The following GPC6 variants were observed in gnomAD, a reference collection of about 807,000 sequenced individuals.
The protein encoded by GPC6 is glypican 6, also known as glypican-6.
In GPC6, 14 loss-of-function variants were observed where a neutral mutation model predicts 55.2. The ratio of observed to expected loss-of-function variants is 0.25; its 90% CI spans 0.17 to 0.40. The LOEUF (loss-of-function observed/expected upper bound fraction) is 0.40. Among genes scored for constraint, GPC6 ranks in the 10% least tolerant of loss-of-function variants. The probability of loss-of-function intolerance (pLI) is 1.00; values close to 1 mark genes in which losing one functional copy is unlikely to be tolerated. For missense variants in GPC6, 641 were observed against 708.5 expected (o/e 0.90, Z 1.08); for synonymous variants, 278 against 259.6 (o/e 1.07, Z -0.68).
At chr13:94,000,740 T>A (rs1881759626) in intron 3 of GPC6, among the ~76,000 whole-genome samples, 1 of 152,202 alleles carries the variant, frequency 6.6e-6, no homozygotes, top group African/African-American at 2.4e-5. Flanking sequence ...CACAGCACTT[T>A]GCAGCAAAAT....
At chr13:94,323,695 A>C (rs915751114) in intron 6 of GPC6, among the ~76,000 whole-genome samples, 4 of 152,250 alleles carry the variant, frequency 2.6e-5, no homozygotes, top group African/African-American at 9.6e-5. Context: ...TCACTATGCA[A>C]TGTATTCATG....
At chr13:93,941,838 T>A (rs546519580) in intron 3 of GPC6, among the ~76,000 whole-genome samples, 2 of 152,322 alleles carry the variant, frequency 1.3e-5, no homozygotes, top group East Asian at 3.9e-4. Flanking sequence ...ATCCTTAGCT[T>A]GGGTAGTATC....
intron 2 of GPC6, among the ~76,000 whole-genome samples, chr13:93,820,332 TTA>T (rs1203433662): frequency 6.6e-6 from 1 of 152,122 alleles, no homozygotes; most frequent in Non-Finnish European, 1.5e-5. Context: ...TTGTTTCTAC[TTA>T]TATATAATTT....
chr13:94,302,266 G>A (rs1014055462), intron 5 of GPC6, among the ~76,000 whole-genome samples: 1 of 152,200 alleles, frequency 6.6e-6, no homozygotes, highest in Non-Finnish European at 1.5e-5. Flanking sequence ...CAGATTTGAT[G>A]TCTGGTGAGG....
intron 1 of GPC6, among the ~76,000 whole-genome samples, chr13:93,270,561 A>G (rs1331396776): frequency 2.0e-5 from 3 of 152,012 alleles, no homozygotes; most frequent in African/African-American, 7.2e-5. Flanking sequence ...TCCAAATCCA[A>G]AATGCTTTTG....
intron 1 of GPC6, among the ~76,000 whole-genome samples, chr13:93,232,406 T>C (rs904440630): frequency 3.3e-5 from 5 of 152,172 alleles, no homozygotes; most frequent in Non-Finnish European, 1.5e-5. Flanking sequence ...ATTCCAGGTA[T>C]CAAAGCAATC....
intron 8 of GPC6, among the ~76,000 whole-genome samples, chr13:94,401,142 A>C (rs1265707334): frequency 6.6e-6 from 1 of 152,160 alleles, no homozygotes; most frequent in Non-Finnish European, 1.5e-5. Flanking sequence ...AAGTTGAGTA[A>C]CTGCCCAAAG....
intron 4 of GPC6, among the ~76,000 whole-genome samples, chr13:94,209,392 CT>C (rs1370562762): frequency 1.3e-5 from 2 of 152,148 alleles, no homozygotes; most frequent in Non-Finnish European, 2.9e-5. Flanking sequence ...TAATTATGAA[CT>C]TGTTAAAAGA....
chr13:94,377,569 G>A (rs1879940341), intron 6 of GPC6, among the ~76,000 whole-genome samples: 1 of 149,250 alleles, frequency 6.7e-6, no homozygotes, highest in Non-Finnish European at 1.5e-5. Flanking sequence ...AGGATGTGGA[G>A]AAATAGGAAC....
At chr13:93,505,427 A>G (rs2590512) in intron 1 of GPC6, among the ~76,000 whole-genome samples, 150,074 of 152,106 alleles carry the variant, frequency 0.99, 74,066 homozygotes, top group East Asian at 1. Flanking sequence ...TCTCTCACAC[A>G]CGTGCACACA....
intron 2 of GPC6, among the ~76,000 whole-genome samples, chr13:93,642,080 G>T (rs1368583766): frequency 6.6e-6 from 1 of 151,978 alleles, no homozygotes; most frequent in Non-Finnish European, 1.5e-5. Flanking sequence ...GAGGTTTGGG[G>T]TGTGATTGAA....
At chr13:93,743,558 G>C (rs1884281942) in intron 2 of GPC6, among the ~76,000 whole-genome samples, 2 of 151,194 alleles carry the variant, frequency 1.3e-5, no homozygotes, top group African/African-American at 4.9e-5. Flanking sequence ...ATAGGTTTTT[G>C]CTTTAAAAAA....
chr13:94,210,553 A>G (rs1266759558), intron 4 of GPC6, among the ~76,000 whole-genome samples: 1 of 152,228 alleles, frequency 6.6e-6, no homozygotes, highest in African/African-American at 2.4e-5. Context: ...AATATGTCAT[A>G]TATACATGAA....
chr13:93,230,436 C>T (rs1408870375), intron 1 of GPC6, among the ~76,000 whole-genome samples: 1 of 152,116 alleles, frequency 6.6e-6, no homozygotes, highest in Non-Finnish European at 1.5e-5. Flanking sequence ...TTTGCACCAT[C>T]AGTTTTCACT....
At chr13:93,986,247 A>G (rs983387564) in intron 3 of GPC6, among the ~76,000 whole-genome samples, 1 of 152,162 alleles carries the variant, frequency 6.6e-6, no homozygotes, top group Non-Finnish European at 1.5e-5. Flanking sequence ...CTATTTGCTT[A>G]TTCTTTTATT....
At chr13:93,395,638 C>G (rs1875818584) in intron 1 of GPC6, 1 of 156,910 alleles carries the variant, frequency 6.4e-6, no homozygotes, top group African/African-American at 2.4e-5. Flanking sequence ...TTTGTGCCAC[C>G]TTCCATGCCA....
intron 1 of GPC6, among the ~76,000 whole-genome samples, chr13:93,403,036 T>C (rs1876149003): frequency 6.6e-6 from 1 of 152,194 alleles, no homozygotes; most frequent in Non-Finnish European, 1.5e-5. Flanking sequence ...TAAGAGTTGA[T>C]TGAAACCTAG....
chr13:93,347,335 G>T (rs1244988466), intron 1 of GPC6, among the ~76,000 whole-genome samples: 1 of 152,124 alleles, frequency 6.6e-6, no homozygotes, highest in African/African-American at 2.4e-5. Context: ...TTTGTGGTGA[G>T]ATTTTTTTAA....
intron 3 of GPC6, among the ~76,000 whole-genome samples, chr13:93,845,687 C>T (rs376806324): frequency 0.031 from 4,566 of 146,970 alleles, 218 homozygotes; most frequent in East Asian, 0.16. Flanking sequence ...TTTGTAGGGA[C>T]ATGGATGAAA....
Sources: allele counts gnomAD v4.1 joint callset (sites outside exome capture counted in the v4.1 genomes callset), GRCh38; gene constraint gnomAD v4.1.1; transcripts MANE v1.5; gene names NCBI Gene and HGNC (gene_info 2026-07-23, HGNC 2026-07-21).